ADGRE2: variants seen among roughly 807,000 people sequenced by gnomAD.
The protein encoded by ADGRE2 is adhesion G protein-coupled receptor E2.
ADGRE2 carries 83 observed loss-of-function variants against 100.8 expected under a neutral mutation model. The observed-to-expected ratio is 0.82, with a 90% CI of 0.69 to 0.99. The LOEUF is 0.99. Among genes scored for constraint, ADGRE2 ranks in the 50% least tolerant of loss-of-function variants. The probability of loss-of-function intolerance (pLI) is 0.00; values close to 1 mark genes in which losing one functional copy is unlikely to be tolerated. For missense variants in ADGRE2, 814 were observed against 1,035.7 expected, an observed-to-expected ratio of 0.79 and a Z score of 2.94; for synonymous variants, 355 against 413.0, an observed-to-expected ratio of 0.86 and a Z score of 1.70.
At chr19:14,753,853 G>A (rs984068314) in intron 14 of ADGRE2, among the ~76,000 whole-genome samples, 1 of 151,564 alleles carries the variant, frequency 6.6e-6, no homozygotes, top group African/African-American at 2.4e-5. Context: ...GTCTTTATAA[G>A]CTCTGGGCTC....
At chr19:14,760,535 C>A (rs56219339) in intron 11 of ADGRE2, among the ~76,000 whole-genome samples, 2 of 152,004 alleles carry the variant, frequency 1.3e-5, no homozygotes, top group African/African-American at 4.8e-5. Flanking sequence ...TTAGTATATA[C>A]CCCAAAGAAC....
rs2043255969 is a variant in ADGRE2, at chr19:14,750,610, C to CA, written c.2024+825dup. On this transcript the variant is annotated intron_variant, in intron 16 of 20. Transcript: ENST00000315576. ...AAACTAGCTAGAAAAGTACCTGGCA[C>CA]AAAGTAAGCATCTCATAAATCTTAA... Among the ~76,000 whole-genome samples the CA allele has an allele frequency of 2.6e-5, 4 of 152,152 alleles. No homozygotes were observed. The South Asian group carries it at 8.3e-4, about 32-fold the overall frequency.
chr19:14,770,073 G>A (rs975816772), intron 5 of ADGRE2, among the ~76,000 whole-genome samples: 1 of 152,138 alleles, frequency 6.6e-6, no homozygotes, highest in African/African-American at 2.4e-5. Context: ...CGGTGATACA[G>A]TTTGGATATT....
At chr19:14,731,323 T>C (rs1568568404), downstream of ADGRE2, 1 of 860,536 alleles carries the variant, frequency 1.2e-6, no homozygotes, top group Non-Finnish European at 1.8e-6. Context: ...TCAGTGGCCT[T>C]GGACTTTCAA....
downstream of ADGRE2, chr19:14,731,806 C>T (rs1179509008): frequency 1.3e-5 from 2 of 152,106 alleles, no homozygotes; most frequent in African/African-American, 4.8e-5. Context: ...TCAAACACAA[C>T]CCATGAGCAA....
Position 14,743,721 on chromosome 19 carries a change from G to A in ADGRE2, c.2247C>T (p.Ile749=). 1 of 1,614,200 alleles carries A rather than the reference G, an allele frequency of 6.2e-7. No homozygotes were observed. Among genetic ancestry groups the A allele is most frequent in the Non-Finnish European group, 8.5e-7 (1 of 1,180,022 alleles). ...FILGCTWCLG[I]LQVGPAARVM... ...CCCGGGCAGCCGGACCCACCTGCAA[G>A]ATGCCCAGACACCACGTGCAGCCCA... Residue 749 remains isoleucine, a synonymous_variant, in exon 19 of 21, where the codon ATC becomes ATT. Coordinates refer to ENST00000315576, the MANE Select transcript of ADGRE2 (RefSeq NM_013447.4).
chr19:14,730,720 A>G (rs998324080), downstream of ADGRE2, among the ~76,000 whole-genome samples: 2 of 151,926 alleles, frequency 1.3e-5, no homozygotes, highest in Non-Finnish European at 2.9e-5. Flanking sequence ...ACAAGAGTAT[A>G]TTGCATGATG....
Position 14,776,771 on chromosome 19 carries a change from T to C in ADGRE2, c.-15A>G. The C allele has an allele frequency of 1.2e-6, 2 of 1,613,112 alleles. No homozygotes were observed. Among genetic ancestry groups the C allele is most frequent in the Middle Eastern group, 1.7e-4 (1 of 6,060 alleles). ...CGGCCTCCCATGGTTCCAGCTGAGC[T>C]GCCGGCAGGAGCAGCAGGGGAAAGA... On this transcript the variant is annotated 5_prime_UTR_variant, in exon 2 of 21. Transcript: ENST00000315576.
chr19:14,748,122 C>T (rs989072954), intron 16 of ADGRE2, among the ~76,000 whole-genome samples: 1 of 151,988 alleles, frequency 6.6e-6, no homozygotes, highest in Non-Finnish European at 1.5e-5. Context: ...TTATCCTCGC[C>T]CTCCTCCCAC....
chr19:14,771,231 G>T (rs1330378245), intron 5 of ADGRE2, among the ~76,000 whole-genome samples: 1 of 152,132 alleles, frequency 6.6e-6, no homozygotes, highest in Non-Finnish European at 1.5e-5. Flanking sequence ...TCTCTTTACA[G>T]CAGGGCAGGT....
chr19:14,751,863 C>CTATATA (rs71166792), intron 15 of ADGRE2, among the ~76,000 whole-genome samples, 192 bp from the exon 16 acceptor site: 11 of 146,478 alleles, frequency 7.5e-5, no homozygotes, highest in South Asian at 2.1e-4. Flanking sequence ...ACTCAAGGGC[C>CTATATA]TATATATATA....
chr19:14,748,642 G>A (rs970236962), intron 16 of ADGRE2, among the ~76,000 whole-genome samples: 15 of 152,260 alleles, frequency 9.9e-5, no homozygotes, highest in African/African-American at 3.6e-4. Context: ...TCATGTACAA[G>A]TTTTTTTGTG....
chr19:14,773,437 G>C (rs1259044959), intron 4 of ADGRE2, among the ~76,000 whole-genome samples: 2 of 111,392 alleles, frequency 1.8e-5, no homozygotes, highest in South Asian at 6.1e-4. Flanking sequence ...ATGGGGTCTT[G>C]CTCCTGTTGC....
chr19:14,726,161 C>T, the ADGRE2 span, among the ~76,000 whole-genome samples: 1 of 152,202 alleles, frequency 6.6e-6, no homozygotes, highest in Admixed American at 6.5e-5. Context: ...AGAGCTGCAA[C>T]CCAAGCTATA....
At chr19:14,729,068 C>T (rs1443959537), downstream of ADGRE2, among the ~76,000 whole-genome samples, 10 of 152,108 alleles carry the variant, frequency 6.6e-5, no homozygotes, top group East Asian at 1.9e-4. Context: ...GTGCAGAATG[C>T]GTGACCGAGG....
chr19:14,729,949 GA>G (rs1229100148), downstream of ADGRE2, among the ~76,000 whole-genome samples: 1 of 152,212 alleles, frequency 6.6e-6, no homozygotes, highest in African/African-American at 2.4e-5. Flanking sequence ...GGAAAGGGCA[GA>G]AATCCTCAGT....
At chr19:14,747,667 G>T (rs922401257) in intron 16 of ADGRE2, among the ~76,000 whole-genome samples, 1 of 152,052 alleles carries the variant, frequency 6.6e-6, no homozygotes, top group Admixed American at 6.6e-5. Context: ...AATGAGCTGC[G>T]TGTGGTGGCG....
At chr19:14,741,060 G>T (rs920731924) in intron 20 of ADGRE2, among the ~76,000 whole-genome samples, 1 of 150,522 alleles carries the variant, frequency 6.6e-6, no homozygotes, top group South Asian at 2.1e-4. Context: ...TAGAGATGGG[G>T]TCTCGTTACA....
intron 7 of ADGRE2, 101 bp downstream of exon 7, chr19:14,766,134 G>A (rs759927168): frequency 1.1e-5 from 18 of 1,572,694 alleles, no homozygotes; most frequent in African/African-American, 4.1e-5. Flanking sequence ...TGACACAGTC[G>A]GGCGCCTCCA....
Sources: gnomAD v4.1 joint callset for allele counts (sites outside exome capture counted in the v4.1 genomes callset) on GRCh38, gnomAD v4.1.1 for gene constraint, MANE v1.5 for transcripts, NCBI Gene and HGNC (gene_info 2026-07-23, HGNC 2026-07-21) for gene names.